RFX3: variants seen among roughly 807,000 people sequenced by gnomAD.
RFX3 encodes the protein transcription factor RFX3.
Under a neutral mutation model 98.6 loss-of-function variants are expected in RFX3, and 14 were observed. The ratio of observed to expected loss-of-function variants is 0.14; its 90% CI spans 0.09 to 0.22. The LOEUF (loss-of-function observed/expected upper bound fraction) is 0.22. Among genes scored for constraint, RFX3 ranks in the 10% least tolerant of loss-of-function variants. The pLI, the probability that RFX3 is intolerant of heterozygous loss-of-function variation, is 1.00. For synonymous variants in RFX3, 383 were observed against 328.4 expected, an observed-to-expected ratio of 1.17 and a Z score of -1.80; for missense variants, 639 against 926.9, an observed-to-expected ratio of 0.69 and a Z score of 4.03.
chr9:3,437,332 T>C (rs950558430), intron 1 of RFX3, among the ~76,000 whole-genome samples: 5 of 152,070 alleles, frequency 3.3e-5, no homozygotes, highest in African/African-American at 9.7e-5. Context: ...CTAACTACTA[T>C]AGACATTCAA....
intron 1 of RFX3, among the ~76,000 whole-genome samples, chr9:3,469,332 C>T (rs1355815091): frequency 6.6e-6 from 1 of 152,068 alleles, no homozygotes; most frequent in African/African-American, 2.4e-5. Flanking sequence ...AGTCTAGTAC[C>T]ATTAGAATCT....
chr9:3,302,332 C>G (rs2986689), intron 4 of RFX3, among the ~76,000 whole-genome samples: 2,292 of 151,862 alleles, frequency 0.015, 58 homozygotes, highest in African/African-American at 0.052. Flanking sequence ...CAGCTCTAAT[C>G]TGTGAAATCT....
intron 1 of RFX3, among the ~76,000 whole-genome samples, chr9:3,510,119 C>G (rs940337073): frequency 2.0e-5 from 3 of 152,028 alleles, no homozygotes; most frequent in Non-Finnish European, 4.4e-5. Context: ...AGTCCCATGG[C>G]TGTCTCTTTT....
intron 15 of RFX3, among the ~76,000 whole-genome samples, chr9:3,231,576 C>CTT (rs1478883705): frequency 2.0e-5 from 3 of 151,892 alleles, no homozygotes; most frequent in Non-Finnish European, 2.9e-5. Context: ...GCTTAGGAAA[C>CTT]CTCAGGGAAG....
intron 4 of RFX3, among the ~76,000 whole-genome samples, chr9:3,312,268 T>C (rs906667313): frequency 6.6e-6 from 1 of 152,202 alleles, no homozygotes; most frequent in Admixed American, 6.5e-5. Flanking sequence ...TGGGCCACAA[T>C]GTAAAGGTAT....
At chr9:3,399,948 CA>C (rs61409115) in intron 1 of RFX3, among the ~76,000 whole-genome samples, 200 of 95,720 alleles carry the variant, frequency 2.1e-3, no homozygotes, top group Admixed American at 2.1e-3. Context: ...GACTCCGTCT[CA>C]AAAAAAAAAA....
intron 1 of RFX3, among the ~76,000 whole-genome samples, chr9:3,481,688 G>C (rs1408663215): frequency 6.6e-6 from 1 of 151,858 alleles, no homozygotes; most frequent in Non-Finnish European, 1.5e-5. Flanking sequence ...AATATGAAGA[G>C]ATCTTGAAAT....
chr9:3,429,157 G>A (rs1844405359), intron 1 of RFX3, among the ~76,000 whole-genome samples: 1 of 150,886 alleles, frequency 6.6e-6, no homozygotes, highest in Non-Finnish European at 1.5e-5. Flanking sequence ...CAAGTAGCTG[G>A]GACTACAGGC....
chr9:3,399,910 C>T lies in RFX3; in HGVS notation c.-8-4314G>A, dbSNP rs376381111. Among the ~76,000 whole-genome samples, 5 of 150,270 alleles carry T rather than the reference C, an allele frequency of 3.3e-5. No homozygotes were observed. In the South Asian group the frequency reaches 6.4e-4, roughly 19 times the overall value. ...GTTGCGGTGAGCCAAGATCATTCCA[C>T]TGCACTCCAGCCTGGATGACAGAGC... On this transcript the variant is annotated intron_variant, in intron 1 of 16. Transcript: ENST00000617270.
At chr9:3,277,186 T>C (rs958243728) in intron 8 of RFX3, among the ~76,000 whole-genome samples, 154 bp downstream of exon 8, 5 of 151,972 alleles carry the variant, frequency 3.3e-5, no homozygotes, top group African/African-American at 7.2e-5. Context: ...AAGGCAGACA[T>C]GAACTAGGAC....
chr9:3,294,519 T>C (rs961976200), intron 5 of RFX3, among the ~76,000 whole-genome samples: 1 of 152,136 alleles, frequency 6.6e-6, no homozygotes, highest in African/African-American at 2.4e-5. Context: ...AAAAATAATA[T>C]GGACATTTAA....
intron 7 of RFX3, among the ~76,000 whole-genome samples, chr9:3,282,906 T>C (rs1302415717): frequency 1.3e-5 from 2 of 151,718 alleles, no homozygotes; most frequent in East Asian, 1.9e-4. Flanking sequence ...TAAGTAACAA[T>C]ATAATTGCCA....
chr9:3,283,254 A>G (rs1305274777), intron 7 of RFX3, among the ~76,000 whole-genome samples: 2 of 151,810 alleles, frequency 1.3e-5, no homozygotes, highest in African/African-American at 4.8e-5. Context: ...CATAAGAAAG[A>G]TATTTTTCTG....
chr9:3,451,968 C>T (rs1846680224), intron 1 of RFX3, among the ~76,000 whole-genome samples: 1 of 151,998 alleles, frequency 6.6e-6, no homozygotes, highest in African/African-American at 2.4e-5. Context: ...ACTCTCAAAT[C>T]CACAAGTCAT....
chr9:3,430,703 G>A (rs1016239036), intron 1 of RFX3, among the ~76,000 whole-genome samples: 1 of 151,716 alleles, frequency 6.6e-6, no homozygotes, highest in Admixed American at 6.6e-5. Flanking sequence ...GACCCTTGAA[G>A]AACACAGCTT....
At chr9:3,424,490 T>A (rs559519519) in intron 1 of RFX3, among the ~76,000 whole-genome samples, 130 of 149,248 alleles carry the variant, frequency 8.7e-4, no homozygotes, top group African/African-American at 3.0e-3. Flanking sequence ...GCCTCCCGAG[T>A]AGCTGGGACT....
chr9:3,468,815 G>GAAAAAAAAAAAAAA (rs34057815), intron 1 of RFX3, among the ~76,000 whole-genome samples: 7 of 84,268 alleles, frequency 8.3e-5, no homozygotes, highest in Admixed American at 1.2e-4. Context: ...TTTTCCTTTT[G>GAAAAAAAAAAAAAA]AAAAAAAAAA....
chr9:3,415,738 T>G (rs1487894755), intron 1 of RFX3, among the ~76,000 whole-genome samples: 2 of 152,160 alleles, frequency 1.3e-5, no homozygotes, highest in Admixed American at 6.5e-5. Context: ...TCCAAATCCT[T>G]CTCATTTACC....
chr9:3,331,105 G>A (rs1026398313), intron 3 of RFX3, among the ~76,000 whole-genome samples: 1 of 152,118 alleles, frequency 6.6e-6, no homozygotes, highest in African/African-American at 2.4e-5. Flanking sequence ...TCCTTTATAA[G>A]ATGACTATTC....
Sources: allele counts gnomAD v4.1 joint callset (sites outside exome capture counted in the v4.1 genomes callset), GRCh38; gene constraint gnomAD v4.1.1; transcripts MANE v1.5; gene names NCBI Gene and HGNC (gene_info 2026-07-23, HGNC 2026-07-21).